The following NRG3 variants were observed in gnomAD, a reference collection of about 807,000 sequenced individuals.
NRG3 encodes the protein pro-neuregulin-3, membrane-bound isoform.
A neutral mutation model predicts 66.9 loss-of-function variants in NRG3; 31 were observed. That is an observed-to-expected ratio of 0.46 (90% CI 0.35 to 0.63). The LOEUF (loss-of-function observed/expected upper bound fraction) is 0.63. Ranked by LOEUF, NRG3 falls within the 20% of genes least tolerant of loss-of-function variation. The pLI is 0.00. For synonymous variants in NRG3, 393 were observed against 359.4 expected, an observed-to-expected ratio of 1.09 and a Z score of -1.06; for missense variants, 910 against 878.9, an observed-to-expected ratio of 1.04 and a Z score of -0.45.
intron 2 of NRG3, among the ~76,000 whole-genome samples, chr10:82,628,793 A>C (rs1162839166): frequency 6.6e-6 from 1 of 152,170 alleles, no homozygotes; most frequent in African/African-American, 2.4e-5. Context: ...TTTATTTACC[A>C]CTGTATTCAA....
intron 4 of NRG3, among the ~76,000 whole-genome samples, chr10:82,946,679 C>G (rs1401215306): frequency 6.6e-6 from 1 of 151,988 alleles, no homozygotes; most frequent in South Asian, 2.1e-4. Flanking sequence ...TCAGACCATA[C>G]TAAGAATTTT....
At chr10:82,583,114 G>A (rs1250993478) in intron 2 of NRG3, among the ~76,000 whole-genome samples, 1 of 152,028 alleles carries the variant, frequency 6.6e-6, no homozygotes, top group African/African-American at 2.4e-5. Context: ...GTTTTAAAAG[G>A]GTGTGTTCAA....
At chr10:81,899,755 GTCC>G (rs1413617292) in intron 1 of NRG3, among the ~76,000 whole-genome samples, 2,865 of 152,270 alleles carry the variant, frequency 0.019, 81 homozygotes, top group African/African-American at 0.063. Context: ...ACTGGAGGCT[GTCC>G]ACCTTTAGGC....
At chr10:82,099,467 T>C (rs1484978252) in intron 1 of NRG3, among the ~76,000 whole-genome samples, 1 of 152,202 alleles carries the variant, frequency 6.6e-6, no homozygotes, top group Non-Finnish European at 1.5e-5. Context: ...TTTACTATGG[T>C]AGCTTTTACT....
intron 2 of NRG3, among the ~76,000 whole-genome samples, chr10:82,487,618 G>A (rs894608730): frequency 1.3e-5 from 2 of 151,854 alleles, no homozygotes; most frequent in African/African-American, 4.8e-5. Context: ...CATCTAGTTG[G>A]GATTATTTAG....
At chr10:82,464,913 A>C (rs1051558422) in intron 2 of NRG3, among the ~76,000 whole-genome samples, 1 of 152,152 alleles carries the variant, frequency 6.6e-6, no homozygotes, top group Non-Finnish European at 1.5e-5. Flanking sequence ...CCTGCTTCCC[A>C]AATCTCCTGG....
At chr10:82,863,454 T>TG (rs1390608661) in intron 3 of NRG3, among the ~76,000 whole-genome samples, 2 of 152,328 alleles carry the variant, frequency 1.3e-5, no homozygotes, top group Non-Finnish European at 1.5e-5. Context: ...CTACAATGGT[T>TG]GAACTAATTA....
At chr10:82,093,273 GTA>G (rs1198660692) in intron 1 of NRG3, among the ~76,000 whole-genome samples, 1 of 152,026 alleles carries the variant, frequency 6.6e-6, no homozygotes, top group Non-Finnish European at 1.5e-5. Context: ...CAGCAACTTG[GTA>G]TATAGCATCT....
chr10:82,854,927 A>G (rs1226454114), intron 3 of NRG3, among the ~76,000 whole-genome samples: 5 of 152,142 alleles, frequency 3.3e-5, no homozygotes, highest in African/African-American at 9.7e-5. Flanking sequence ...GCTGCTCTAG[A>G]TGAATATCTT....
rs113146298 is a variant in NRG3 at position 82,456,386 on chromosome 10, C to T, written c.953+97518C>T. Among the ~76,000 whole-genome samples the T allele has an allele frequency of 3.2e-3, 490 of 152,050 alleles. 1 individual carries two copies. Among genetic ancestry groups the T allele is most frequent in the African/African-American group, 0.011 (460 of 41,490 alleles). ...CTCCCTGTGTTGCCCAGGCTGGTAT[C>T]GAACTCCTAAGCTCAAGCAATCCTC... On this transcript the variant is annotated intron_variant, in intron 2 of 8. Transcript: ENST00000372141.
At chr10:82,801,985 GA>G (rs749296790) in intron 3 of NRG3, among the ~76,000 whole-genome samples, 3 of 152,124 alleles carry the variant, frequency 2.0e-5, no homozygotes, top group Non-Finnish European at 4.4e-5. Flanking sequence ...GGAATGAGAG[GA>G]AAGCATCTCT....
chr10:82,519,429 G>C (rs980175804), intron 2 of NRG3, among the ~76,000 whole-genome samples: 2 of 152,164 alleles, frequency 1.3e-5, no homozygotes, highest in African/African-American at 4.8e-5. Context: ...ATTTAGCAAT[G>C]TAGGCGTTAT....
intron 2 of NRG3, among the ~76,000 whole-genome samples, chr10:82,590,478 T>C (rs142191490): frequency 3.3e-5 from 5 of 152,254 alleles, no homozygotes; most frequent in Middle Eastern, 3.4e-3. Context: ...ACAATAAATA[T>C]TGCCTACTCA....
intron 1 of NRG3, among the ~76,000 whole-genome samples, chr10:82,001,041 A>G (rs1324216571): frequency 6.6e-6 from 1 of 152,174 alleles, no homozygotes; most frequent in Non-Finnish European, 1.5e-5. Context: ...TCTTTTTTAT[A>G]CTGCTCTGAA....
chr10:82,286,143 G>A (rs1054678535), intron 1 of NRG3, among the ~76,000 whole-genome samples: 2 of 152,294 alleles, frequency 1.3e-5, no homozygotes, highest in African/African-American at 4.8e-5. Context: ...AGGAGCGCAG[G>A]TAGGAAGGGT....
chr10:82,343,328 T>C (rs1042616166), intron 1 of NRG3, among the ~76,000 whole-genome samples: 8 of 151,932 alleles, frequency 5.3e-5, no homozygotes, highest in Non-Finnish European at 1.2e-4. Flanking sequence ...AAAAAATACA[T>C]AGGCATACAT....
At chr10:82,322,548 TA>T (rs397940204) in intron 1 of NRG3, among the ~76,000 whole-genome samples, 5,355 of 151,902 alleles carry the variant, frequency 0.035, 144 homozygotes, top group African/African-American at 0.075. Flanking sequence ...TTTTTTTTTT[TA>T]AAATTTTGCT....
intron 2 of NRG3, among the ~76,000 whole-genome samples, chr10:82,364,261 G>T (rs921544761): frequency 3.3e-5 from 5 of 152,086 alleles, no homozygotes; most frequent in Non-Finnish European, 5.9e-5. Context: ...AAGTCTATTT[G>T]AATGTGTCTG....
chr10:82,079,164 C>T (rs1226112733), intron 1 of NRG3, among the ~76,000 whole-genome samples: 2 of 151,906 alleles, frequency 1.3e-5, no homozygotes, highest in African/African-American at 4.8e-5. Flanking sequence ...TCTGCCTCAG[C>T]CTCCCGAATA....
Sources: gnomAD v4.1 joint callset for allele counts (sites outside exome capture counted in the v4.1 genomes callset) on GRCh38, gnomAD v4.1.1 for gene constraint, MANE v1.5 for transcripts, NCBI Gene and HGNC (gene_info 2026-07-23, HGNC 2026-07-21) for gene names.